OSBP2: variants seen among roughly 807,000 people sequenced by gnomAD.
OSBP2 encodes the protein oxysterol-binding protein 2.
A neutral mutation model predicts 96.0 loss-of-function variants in OSBP2; 66 were observed. That is an observed-to-expected ratio of 0.69 (90% CI 0.56 to 0.84). The LOEUF (loss-of-function observed/expected upper bound fraction) is 0.84, where lower values mean the gene tolerates loss of function less well. OSBP2 is among the 40% of genes least tolerant of loss of function. The pLI is 0.00. For missense variants in OSBP2, 1,038 were observed against 1,222.7 expected, an observed-to-expected ratio of 0.85 and a Z score of 2.25; for synonymous variants, 525 against 520.9, an observed-to-expected ratio of 1.01 and a Z score of -0.11.
At chr22:30,898,894 A>C (rs2040125900) in intron 12 of OSBP2, among the ~76,000 whole-genome samples, 1 of 151,006 alleles carries the variant, frequency 6.6e-6, no homozygotes, top group Non-Finnish European at 1.5e-5. Context: ...TAATAAAAGC[A>C]GAAATCAATT....
chr22:30,733,642 TTCTTAGTTG>T (rs1406875098), intron 1 of OSBP2, among the ~76,000 whole-genome samples: 1 of 152,178 alleles, frequency 6.6e-6, no homozygotes, highest in Non-Finnish European at 1.5e-5. Context: ...AGGTGCACCA[TTCTTAGTTG>T]ATGTACAAGG....
chr22:30,811,174 C>T (rs866216396), intron 2 of OSBP2, among the ~76,000 whole-genome samples: 3 of 137,756 alleles, frequency 2.2e-5, no homozygotes, highest in Non-Finnish European at 4.7e-5. Flanking sequence ...ACCCCCCCCC[C>T]ACACATACAT....
chr22:30,829,663 G>T (rs974059243), intron 2 of OSBP2, among the ~76,000 whole-genome samples: 4 of 152,210 alleles, frequency 2.6e-5, no homozygotes, highest in Non-Finnish European at 5.9e-5. Flanking sequence ...GTTTAAAATT[G>T]TTCTGATTTG....
At chr22:30,807,831 G>T (rs1311321703) in intron 2 of OSBP2, among the ~76,000 whole-genome samples, 1 of 152,210 alleles carries the variant, frequency 6.6e-6, no homozygotes, top group Non-Finnish European at 1.5e-5. Flanking sequence ...AGGCTGGTGT[G>T]CAGTGATGCA....
chr22:30,855,937 T>C (rs995672569), intron 2 of OSBP2, among the ~76,000 whole-genome samples: 5 of 152,214 alleles, frequency 3.3e-5, no homozygotes, highest in Non-Finnish European at 7.3e-5. Flanking sequence ...CATTGTTGGG[T>C]ATGTCCAGGT....
chr22:30,751,845 C>T (rs575905403), intron 2 of OSBP2, among the ~76,000 whole-genome samples: 14 of 152,304 alleles, frequency 9.2e-5, no homozygotes, highest in East Asian at 3.9e-4. Context: ...CAACATGTGT[C>T]GACCCAAAAT....
chr22:30,767,996 G>A (rs772639525), intron 2 of OSBP2, among the ~76,000 whole-genome samples: 3 of 152,142 alleles, frequency 2.0e-5, no homozygotes, highest in African/African-American at 4.8e-5. Context: ...TATTCTTTAG[G>A]AGGTGTGAAC....
chr22:30,764,784 C>G (rs1367969763), intron 2 of OSBP2, among the ~76,000 whole-genome samples: 1 of 152,188 alleles, frequency 6.6e-6, no homozygotes, highest in Non-Finnish European at 1.5e-5. Context: ...TCAGACCCCT[C>G]AGTCCTGAGG....
intron 2 of OSBP2, among the ~76,000 whole-genome samples, chr22:30,821,630 C>G (rs2038275667): frequency 6.6e-6 from 1 of 151,958 alleles, no homozygotes; most frequent in Non-Finnish European, 1.5e-5. Flanking sequence ...GGGTTTCTGA[C>G]GCCCACCACA....
At chr22:30,810,714 T>C (rs1393328158) in intron 2 of OSBP2, among the ~76,000 whole-genome samples, 1 of 152,250 alleles carries the variant, frequency 6.6e-6, no homozygotes, top group Non-Finnish European at 1.5e-5. Flanking sequence ...CTCCTCCGCC[T>C]CATAGGAATT....
intron 2 of OSBP2, among the ~76,000 whole-genome samples, chr22:30,809,196 C>G (rs2090974228): frequency 6.6e-6 from 1 of 152,180 alleles, no homozygotes; most frequent in Non-Finnish European, 1.5e-5. Context: ...GAACGGCAAG[C>G]AGATGAATTT....
intron 3 of OSBP2, among the ~76,000 whole-genome samples, chr22:30,879,471 C>A (rs1406737746): frequency 6.6e-6 from 1 of 152,242 alleles, no homozygotes; most frequent in Non-Finnish European, 1.5e-5. Context: ...TTCTGATCGA[C>A]CCCCGGTGGG....
intron 2 of OSBP2, among the ~76,000 whole-genome samples, chr22:30,804,377 G>C (rs1049632398): frequency 6.6e-6 from 1 of 152,182 alleles, no homozygotes; most frequent in Non-Finnish European, 1.5e-5. Flanking sequence ...GTTTTGTTCC[G>C]TCTATCTAGC....
In OSBP2 at chr22:30,695,524, G is replaced by C; in HGVS notation, c.615G>C (p.Val205=). The part of the protein sequence containing the change: ...YLKGYQRRWF[V]LGNGLLSYYR... ...AGGGCTACCAGCGCCGCTGGTTCGTGCTGGGCAATGGTTTGCTCTCTTACT... is the reference window on the plus strand; with the variant it reads ...AGGGCTACCAGCGCCGCTGGTTCGTCCTGGGCAATGGTTTGCTCTCTTACT... The change falls in exon 1 of 14, where the codon GTG becomes GTC. Residue 205 remains valine, a synonymous_variant. Coordinates refer to ENST00000332585, the MANE Select transcript of OSBP2 (RefSeq NM_030758.4). The C allele has an allele frequency of 6.2e-7, 1 of 1,611,180 alleles. No individual in the cohort carries two copies. Among genetic ancestry groups the C allele is most frequent in the African/African-American group, 1.3e-5 (1 of 75,056 alleles).
chr22:30,886,731 T>C (rs1174599265), intron 3 of OSBP2, among the ~76,000 whole-genome samples: 2 of 152,052 alleles, frequency 1.3e-5, no homozygotes, highest in African/African-American at 4.8e-5. Context: ...GAATGTATGG[T>C]TTTTAGGGCA....
chr22:30,752,372 C>G (rs1194971001), intron 2 of OSBP2, among the ~76,000 whole-genome samples: 2 of 135,238 alleles, frequency 1.5e-5, no homozygotes, highest in Non-Finnish European at 3.1e-5. Context: ...CATCTCGGCT[C>G]ACTGCAAGCT....
At chr22:30,734,239 A>C (rs939677029) in intron 1 of OSBP2, among the ~76,000 whole-genome samples, 7 of 152,302 alleles carry the variant, frequency 4.6e-5, no homozygotes, top group South Asian at 4.1e-4. Flanking sequence ...TGCTGGGATT[A>C]TAGGCATGAG....
In OSBP2 at chr22:30,808,815, G is replaced by A. The variant is rs538124368; in HGVS notation, c.854-61614G>A. Among the ~76,000 whole-genome samples, 65 of 152,248 alleles carry A rather than the reference G, an allele frequency of 4.3e-4. 1 individual carries two copies. In the Middle Eastern group the frequency reaches 0.02, roughly 48 times the overall value. ...TAAAAATACAAAAAATTAGCCAGGC[G>A]TGGTGGCGGGTGCCTGTAGTCCCAG... is the stretch of plus-strand genomic sequence containing the variant. On this transcript the variant is annotated intron_variant, in intron 2 of 13. Transcript: ENST00000332585.
At chr22:30,867,212 T>A (rs2039357723) in intron 2 of OSBP2, among the ~76,000 whole-genome samples, 1 of 152,172 alleles carries the variant, frequency 6.6e-6, no homozygotes, top group South Asian at 2.1e-4. Flanking sequence ...CCGCCTGTGA[T>A]TCCACCTGCC....
Sources: gnomAD v4.1 joint callset for allele counts (sites outside exome capture counted in the v4.1 genomes callset) on GRCh38, gnomAD v4.1.1 for gene constraint, MANE v1.5 for transcripts, NCBI Gene and HGNC (gene_info 2026-07-23, HGNC 2026-07-21) for gene names.